The following COL5A3 variants were observed in gnomAD, a reference collection of about 807,000 sequenced individuals.
COL5A3 encodes collagen alpha-3(V) chain.
COL5A3 carries 172 observed loss-of-function variants against 250.0 expected under a neutral mutation model. The observed-to-expected ratio is 0.69, with a 90% confidence interval of 0.61 to 0.78. COL5A3 has a LOEUF of 0.78. Ranked by LOEUF, COL5A3 falls within the 30% of genes least tolerant of loss-of-function variation. The pLI is 0.00. For missense variants in COL5A3, 2,340 were observed against 2,334.4 expected (o/e 1.00, Z -0.05); for synonymous variants, 937 against 900.4 (o/e 1.04, Z -0.73).
Position 9,986,351 on chromosome 19 carries a change from AGCCTGCCCC to A in COL5A3, c.2307_2315del (p.Gln771_Gly773del). 1.9e-6 allele frequency: 3 copies of A among 1,593,870 alleles called. No individual in the cohort carries two copies. Among genetic ancestry groups the A allele is most frequent in the Non-Finnish European group, 2.6e-6 (3 of 1,175,272 alleles). On this transcript the variant is annotated inframe_deletion, in exon 30 of 67. Coordinates refer to ENST00000264828, the MANE Select transcript of COL5A3 (RefSeq NM_015719.4). The stretch of plus-strand genomic sequence containing the variant: ...CTGAGCCTGGGGGCCCCTCCTCGCC[AGCCTGCCCC>A]GCCTGCCCCTTCGGCCCCTCAGGAC...
chr19:9,972,590 C>T (rs888581006), intron 51 of COL5A3, among the ~76,000 whole-genome samples: 7 of 152,188 alleles, frequency 4.6e-5, no homozygotes, highest in African/African-American at 1.7e-4. Context: ...GTAATCCCAG[C>T]ACTTTGGGAG....
chr19:9,967,727 T>C, intron 61 of COL5A3, 177 bp downstream of exon 61: 2 of 636,494 alleles, frequency 3.1e-6, no homozygotes, highest in Non-Finnish European at 2.6e-6. Flanking sequence ...GTACATCTTA[T>C]AATTGATGGC....
chr19:9,974,520 T>C (rs34006676), intron 45 of COL5A3, 112 bp from the exon 46 acceptor site: 162,717 of 761,426 alleles, frequency 0.21, 18,188 homozygotes, highest in South Asian at 0.33. Flanking sequence ...TCAGATTAAG[T>C]TTAGAGAGGG....
chr19:9,961,932 G>A (rs1402418622), intron 65 of COL5A3, among the ~76,000 whole-genome samples: 1 of 152,050 alleles, frequency 6.6e-6, no homozygotes, highest in Non-Finnish European at 1.5e-5. Flanking sequence ...CTTATGCTTG[G>A]AACAACTTGA....
chr19:9,972,899 C>T lies in COL5A3; in HGVS notation c.3774+20G>A. 1 of 1,550,406 alleles carries T rather than the reference C, an allele frequency of 6.4e-7. No homozygotes were observed. The highest frequency in any genetic ancestry group is 8.7e-7 in the Non-Finnish European group (1 of 1,147,634). On this transcript the variant is annotated intron_variant, in intron 51 of 66. Coordinates refer to ENST00000264828, the MANE Select transcript of COL5A3 (RefSeq NM_015719.4). ...AAGTGCCCCCTCCCATGTCTGCCCC[C>T]ACTTCCCCCCAGGACTCACCACGCT... is the stretch of plus-strand genomic sequence containing the variant.
In COL5A3 at chr19:10,004,169, C is replaced by A. The variant is rs111338504; in HGVS notation, c.595-24G>T. 12,327 of 1,561,366 alleles carry A rather than the reference C, an allele frequency of 7.9e-3. 57 individuals carry two copies. Among genetic ancestry groups the A allele is most frequent in the Middle Eastern group, 0.012 (66 of 5,700 alleles). ...CCCTGGGGGTTGGGGGTGTAGGAGT[C>A]AAGGAGGGCAGCCATACAGCCATAG... On this transcript the variant is annotated intron_variant, in intron 4 of 66. Transcript: ENST00000264828.
chr19:9,989,580 C>T, intron 24 of COL5A3, 58 bp from the exon 25 acceptor site: 3 of 1,475,146 alleles, frequency 2.0e-6, no homozygotes, highest in Non-Finnish European at 2.8e-6. Flanking sequence ...TGGAGCACCA[C>T]TAGGATCTAC....
chr19:9,962,925 C>T, intron 64 of COL5A3, 38 bp from the exon 65 acceptor site: 1 of 1,488,392 alleles, frequency 6.7e-7, no homozygotes, highest in South Asian at 1.2e-5. Flanking sequence ...AGCTGACGCC[C>T]TTGGTGCCAT....
chr19:9,976,334 T>G (rs943294130), intron 45 of COL5A3, among the ~76,000 whole-genome samples: 1 of 151,938 alleles, frequency 6.6e-6, no homozygotes, highest in African/African-American at 2.4e-5. Flanking sequence ...TGAATCAGAT[T>G]CTGAGGGTGA....
At position 9,980,800 on chromosome 19, in the gene COL5A3, C is replaced by T. The variant is rs546651299; in HGVS notation, c.2559+6G>A. ...GGGGGGCCTTGATTGCCCACCCATC[C>T]CATACCTTGGGGCCTGGTTGCCCTG... On this transcript the variant is annotated splice_donor_region_variant and intron_variant, in intron 34 of 66. Coordinates refer to ENST00000264828, the MANE Select transcript of COL5A3 (RefSeq NM_015719.4). The T allele has an allele frequency of 9.3e-6, 15 of 1,613,156 alleles. No homozygotes were observed. In the African/African-American group the frequency reaches 1.6e-4, roughly 17 times the overall value.
rs543566487 is a variant in COL5A3, at chr19:9,978,884, T to C, written c.2964+7A>G. On this transcript the variant is annotated splice_region_variant and intron_variant, in intron 40 of 66. Transcript: ENST00000264828. ...GGACATGCAGGAGGGTCTCCAAAGA[T>C]ACTCACCGGGTCCCCAGGGCCCCCT... 2.7e-6 allele frequency: 4 copies of C among 1,455,188 alleles called. No individual in the cohort carries two copies. In the Admixed American group the frequency reaches 7.9e-5, roughly 29 times the overall value. The allele number at this position is 1,455,188 out of a possible 1,614,324, so 90.1% of individuals were successfully genotyped here. A position where few individuals can be genotyped will look rare whatever the true frequency, so the allele number is the denominator to read the frequency against.
At chr19:9,965,398 C>T (rs2086728351) in intron 64 of COL5A3, among the ~76,000 whole-genome samples, 1 of 151,308 alleles carries the variant, frequency 6.6e-6, no homozygotes, top group Non-Finnish European at 1.5e-5. Flanking sequence ...CCTTGTGATC[C>T]ACCCGCCTCG....
At chr19:9,969,283 A>T in intron 57 of COL5A3, 66 bp downstream of exon 57, 1 of 1,364,002 alleles carries the variant, frequency 7.3e-7, no homozygotes, top group Non-Finnish European at 1.0e-6. Flanking sequence ...AATGCTCACT[A>T]GGTGGTCACT....
At chr19:9,992,147 G>T in intron 21 of COL5A3, 99 bp from the exon 22 acceptor site, 1 of 1,019,026 alleles carries the variant, frequency 9.8e-7, no homozygotes, top group Non-Finnish European at 1.5e-6. Flanking sequence ...GCAGGGCCGG[G>T]CACTGTGGCT....
intron 32 of COL5A3, among the ~76,000 whole-genome samples, 187 bp from the exon 33 acceptor site, chr19:9,981,319 A>C (rs1296260794): frequency 3.3e-5 from 5 of 152,196 alleles, no homozygotes; most frequent in African/African-American, 1.2e-4. Context: ...TCTCAAACAC[A>C]CAATTACAAC....
chr19:9,972,267 A>G (rs1379000533), intron 51 of COL5A3, among the ~76,000 whole-genome samples: 6 of 151,996 alleles, frequency 3.9e-5, no homozygotes, highest in African/African-American at 1.4e-4. Flanking sequence ...CCATTAATTC[A>G]CTCATTCACC....
intron 53 of COL5A3, 35 bp downstream of exon 53, chr19:9,970,940 C>T (rs775354881): frequency 4.3e-5 from 66 of 1,524,178 alleles, no homozygotes; most frequent in Middle Eastern, 1.8e-4. Flanking sequence ...CCCCAACCCC[C>T]GCCTCAGCAC....
In COL5A3 at chr19:9,977,220, T is replaced by C. The variant is rs372058869; in HGVS notation, c.3288+9A>G. 172 of 1,531,864 alleles carry C rather than the reference T, an allele frequency of 1.1e-4. No individual in the cohort carries two copies. The highest frequency in any genetic ancestry group is 1.5e-4 in the Non-Finnish European group (165 of 1,105,554). 94.9% of individuals were successfully genotyped at this position (1,531,864 alleles called of 1,614,324 possible). ...ACCCCACCCTGCCCCACTGGGGACC[T>C]TCACTCACCGCGTCTCCTTTATCGC... On this transcript the variant is annotated intron_variant, in intron 44 of 66. Coordinates refer to ENST00000264828, the MANE Select transcript of COL5A3 (RefSeq NM_015719.4).
rs1326826568 is a variant in COL5A3, at chr19:9,998,157, G to A, written c.1111-8C>T. ...TCCTTTCTCTCCAGCACCCTGGGGT[G>A]GGGTCAGGGGAGATGGAGAGAAAAG... On this transcript the variant is annotated splice_polypyrimidine_tract_variant and splice_region_variant and intron_variant, in intron 8 of 66. Transcript: ENST00000264828. 3 of 1,609,756 alleles carry A rather than the reference G, an allele frequency of 1.9e-6. No homozygotes were observed. The highest frequency in any genetic ancestry group is 2.5e-6 in the Non-Finnish European group (3 of 1,178,394).
Sources: gnomAD v4.1 joint callset for allele counts (sites outside exome capture counted in the v4.1 genomes callset) on GRCh38, gnomAD v4.1.1 for gene constraint, MANE v1.5 for transcripts, NCBI Gene and HGNC (gene_info 2026-07-23, HGNC 2026-07-21) for gene names.